Variants in CD6 observed in about 807,000 individuals in gnomAD.
CD6 encodes the protein CD6 molecule, also known as T-cell differentiation antigen CD6.
In CD6, 53 loss-of-function variants were observed where a neutral mutation model predicts 75.3. The ratio of observed to expected loss-of-function variants is 0.70; its 90% CI spans 0.56 to 0.88. CD6 has a LOEUF of 0.88. Among genes scored for constraint, CD6 ranks in the 40% least tolerant of loss-of-function variants. CD6 has a pLI of 0.00. For synonymous variants in CD6, 359 were observed against 381.5 expected, an observed-to-expected ratio of 0.94 and a Z score of 0.69; for missense variants, 770 against 897.1, an observed-to-expected ratio of 0.86 and a Z score of 1.81.
chr11:60,988,337 C>T (rs1422297005), intron 1 of CD6, among the ~76,000 whole-genome samples: 1 of 152,196 alleles, frequency 6.6e-6, no homozygotes, highest in Non-Finnish European at 1.5e-5. Flanking sequence ...AATCCACTGG[C>T]ACTCTGAGCC....
intron 1 of CD6, among the ~76,000 whole-genome samples, chr11:60,992,542 T>C (rs946348847): frequency 6.6e-6 from 1 of 152,072 alleles, no homozygotes; most frequent in Non-Finnish European, 1.5e-5. Context: ...AAGAGGGACC[T>C]GAGGGCCGGG....
chr11:61,010,001 G>A, intron 5 of CD6, 127 bp downstream of exon 5: 1 of 920,982 alleles, frequency 1.1e-6, no homozygotes, highest in Non-Finnish European at 1.6e-6. Flanking sequence ...GCATAAGAAG[G>A]ACTGTTGTCC....
chr11:61,017,408 A>AGCC, intron 9 of CD6, 71 bp from the exon 10 acceptor site: 1 of 1,262,798 alleles, frequency 7.9e-7, no homozygotes, highest in Non-Finnish European at 1.1e-6. Flanking sequence ...CGGGAAATCC[A>AGCC]GCCTCTTCTC....
chr11:60,991,571 T>C (rs61348566), intron 1 of CD6, among the ~76,000 whole-genome samples: 3,098 of 152,234 alleles, frequency 0.02, 106 homozygotes, highest in African/African-American at 0.07. Flanking sequence ...CTTTCACGTA[T>C]TTGCAGGTAT....
At chr11:61,001,704 C>T in intron 1 of CD6, among the ~76,000 whole-genome samples, 1 of 152,180 alleles carries the variant, frequency 6.6e-6, no homozygotes. Context: ...CTTTTACCTT[C>T]ATTGCTTGCT....
chr11:60,986,179 A>G (rs988782652), intron 1 of CD6, among the ~76,000 whole-genome samples: 1 of 152,206 alleles, frequency 6.6e-6, no homozygotes, highest in African/African-American at 2.4e-5. Flanking sequence ...TTATTGTAAA[A>G]ACGTTATAAC....
rs145387739 is a variant in CD6 at position 60,979,062 on chromosome 11, C to T, written c.49+7148C>T. On this transcript the variant is annotated intron_variant, in intron 1 of 12. Transcript: ENST00000313421. ...TATAGATGAGGAAACTGAGGTTTAGCGAGGCTAAGAGACTTGTCAGGACCT... is the reference window on the plus strand; with the variant it reads ...TATAGATGAGGAAACTGAGGTTTAGTGAGGCTAAGAGACTTGTCAGGACCT... 2.2e-3 allele frequency among the ~76,000 whole-genome samples: 330 copies of T among 152,306 alleles called. 1 individual carries two copies. The highest frequency in any genetic ancestry group is 7.4e-3 in the African/African-American group (307 of 41,560).
chr11:61,007,975 CT>C lies in CD6; in HGVS notation c.469+66del. 1 of 1,091,854 alleles carries C rather than the reference CT, an allele frequency of 9.2e-7. No homozygotes were observed. Among genetic ancestry groups the C allele is most frequent in the Non-Finnish European group, 1.2e-6 (1 of 840,424 alleles). The allele number at this position is 1,091,854 out of a possible 1,614,324, so 67.6% of individuals were successfully genotyped here. A position where few individuals can be genotyped will look rare whatever the true frequency, so the allele number is the denominator to read the frequency against. ...CTCCCCAGGCCTTCAGCCACTGCCC[CT>C]GGCTCCAGACCCTGGACGCAAGCCT... On this transcript the variant is annotated intron_variant, in intron 3 of 12. Transcript: ENST00000313421. This position sits in a 1 kb window ranked among gnomAD's most constrained non-coding sequence, Gnocchi z 4.2.
intron 1 of CD6, among the ~76,000 whole-genome samples, chr11:60,973,181 C>G (rs2905686): frequency 2.6e-5 from 4 of 152,034 alleles, no homozygotes; most frequent in African/African-American, 4.8e-5. Flanking sequence ...AGCTTCCCAG[C>G]AGGAATGAGG....
At chr11:61,018,694 T>G in intron 12 of CD6, 2 of 364,394 alleles carry the variant, frequency 5.5e-6, no homozygotes, top group Non-Finnish European at 1.0e-5. Context: ...AGCACGTGCC[T>G]ATAGTCCCAG....
chr11:61,019,583 G>A lies in CD6; in HGVS notation c.*265G>A. On this transcript the variant is annotated 3_prime_UTR_variant, in exon 13 of 13. Coordinates refer to ENST00000313421, the MANE Select transcript of CD6 (RefSeq NM_006725.5). ...AGAGGTGTGAGCCCTCTGTCTCGGG[G>A]ATGAACAAGCAGAGTCTGGGCTACC... is the stretch of plus-strand genomic sequence containing the variant. 1 of 389,554 alleles carries A rather than the reference G, an allele frequency of 2.6e-6. No individual in the cohort carries two copies. The allele number at this position is 389,554 out of a possible 1,614,324, so 24.1% of individuals were successfully genotyped here. A position where few individuals can be genotyped will look rare whatever the true frequency, so the allele number is the denominator to read the frequency against.
chr11:60,978,515 G>T (rs1404183541), intron 1 of CD6, among the ~76,000 whole-genome samples: 1 of 152,200 alleles, frequency 6.6e-6, no homozygotes. Context: ...GGGAATCTTG[G>T]TCAAGTTCCT....
rs375489183 is a variant in CD6 at position 61,000,839 on chromosome 11, T to C, written c.50-5735T>C. On this transcript the variant is annotated intron_variant, in intron 1 of 12. Transcript: ENST00000313421. The stretch of plus-strand genomic sequence containing the variant: ...CAGTCTCCTCCGCAGCCCGTTCCAC[T>C]GGAGTCTTCTTCCCACTACCCCATT... 6.6e-5 allele frequency among the ~76,000 whole-genome samples: 10 copies of C among 152,334 alleles called. No individual in the cohort carries two copies. The South Asian group carries it at 1.0e-3, about 16-fold the overall frequency.
At chr11:61,000,940 G>C (rs1025475315) in intron 1 of CD6, among the ~76,000 whole-genome samples, 1 of 152,044 alleles carries the variant, frequency 6.6e-6, no homozygotes, top group Non-Finnish European at 1.5e-5. Flanking sequence ...GCTGGGGTCG[G>C]CACTCCCAAC....
At chr11:60,985,348 C>A (rs1030792941) in intron 1 of CD6, among the ~76,000 whole-genome samples, 1 of 151,840 alleles carries the variant, frequency 6.6e-6, no homozygotes, top group Non-Finnish European at 1.5e-5. Flanking sequence ...CATTGCCTGG[C>A]TAATTTTTGT....
At chr11:60,987,531 G>GGT (rs1198620770) in intron 1 of CD6, among the ~76,000 whole-genome samples, 1 of 151,052 alleles carries the variant, frequency 6.6e-6, no homozygotes, top group African/African-American at 2.4e-5. Flanking sequence ...GTGTGTATAG[G>GGT]GTGTGTGTGT....
intron 1 of CD6, among the ~76,000 whole-genome samples, chr11:60,974,934 T>G (rs1427773877): frequency 6.6e-6 from 1 of 152,186 alleles, no homozygotes; most frequent in South Asian, 2.1e-4. Context: ...GCCCCAGGCC[T>G]TTCCCGCCAG....
chr11:60,999,497 G>T (rs1858472119), intron 1 of CD6, among the ~76,000 whole-genome samples: 1 of 151,612 alleles, frequency 6.6e-6, no homozygotes, highest in Admixed American at 6.6e-5. Flanking sequence ...ATGGCGGGGG[G>T]TGAGGACGGG....
chr11:60,991,254 G>A (rs150700675), intron 1 of CD6, among the ~76,000 whole-genome samples: 2 of 147,078 alleles, frequency 1.4e-5, no homozygotes, highest in Admixed American at 6.9e-5. Context: ...GGGTTCAAGC[G>A]ATTCTCCTGC....
Sources: gnomAD v4.1 joint callset for allele counts (sites outside exome capture counted in the v4.1 genomes callset) on GRCh38, gnomAD v4.1.1 for gene constraint, Gnocchi (gnomAD v3.1) non-coding constraint, MANE v1.5 for transcripts, NCBI Gene and HGNC (gene_info 2026-07-23, HGNC 2026-07-21) for gene names.